The following CTNNA1 variants were observed in gnomAD, a reference collection of about 807,000 sequenced individuals.
CTNNA1 encodes the protein catenin alpha-1.
In CTNNA1, 37 loss-of-function variants were observed where a neutral mutation model predicts 98.4. The observed-to-expected ratio is 0.38, with a 90% confidence interval of 0.29 to 0.49. CTNNA1 has a LOEUF of 0.49. Among genes scored for constraint, CTNNA1 ranks in the 20% least tolerant of loss-of-function variants. CTNNA1 has a pLI of 0.95. For missense variants in CTNNA1, 761 were observed against 1,147.2 expected (o/e 0.66, Z 4.86); for synonymous variants, 404 against 413.2 (o/e 0.98, Z 0.27).
chr5:138,922,930 T>TAA (rs34458033), intron 11 of CTNNA1, among the ~76,000 whole-genome samples: 2 of 142,716 alleles, frequency 1.4e-5, no homozygotes, highest in Non-Finnish European at 1.5e-5. Context: ...CTAAATGGAT[T>TAA]AAAAAAAAAA....
At chr5:138,834,850 G>A (rs1761620402) in intron 7 of CTNNA1, among the ~76,000 whole-genome samples, 1 of 152,180 alleles carries the variant, frequency 6.6e-6, no homozygotes, top group African/African-American at 2.4e-5. Flanking sequence ...TTAATCACCT[G>A]GGTGCGGGCG....
chr5:138,800,262 G>A (rs1052632564), intron 3 of CTNNA1, among the ~76,000 whole-genome samples: 6 of 152,220 alleles, frequency 3.9e-5, no homozygotes, highest in Non-Finnish European at 8.8e-5. Context: ...TGCAGCTTCT[G>A]TGTGGGTGCA....
Position 138,873,176 on chromosome 5 carries a change from T to C in CTNNA1, c.1063-13036T>C, listed in dbSNP as rs762991443. 3 of 1,614,032 alleles carry C rather than the reference T, an allele frequency of 1.9e-6. No homozygotes were observed. The East Asian group carries it at 6.7e-5, about 36-fold the overall frequency. ...TTGGGATCGGAGCTGCCTGTGGTTCTGAACCATTGAGCACTGCCTAATTCT... is the reference window on the plus strand; with the variant it reads ...TTGGGATCGGAGCTGCCTGTGGTTCCGAACCATTGAGCACTGCCTAATTCT... On this transcript the variant is annotated intron_variant, in intron 7 of 17. Coordinates refer to ENST00000302763, the MANE Select transcript of CTNNA1 (RefSeq NM_001903.5). The surrounding 1 kb of genome is among the most constrained non-coding windows in gnomAD (Gnocchi z 6.1).
chr5:138,814,721 T>C (rs146792380), intron 5 of CTNNA1, among the ~76,000 whole-genome samples: 215 of 152,332 alleles, frequency 1.4e-3, no homozygotes, highest in African/African-American at 5.0e-3. Flanking sequence ...TTGTGCATCA[T>C]TGCAAAATGG....
chr5:138,850,571 T>TA (rs1468339809), intron 7 of CTNNA1, among the ~76,000 whole-genome samples: 32 of 152,356 alleles, frequency 2.1e-4, no homozygotes, highest in Non-Finnish European at 1.9e-4. Flanking sequence ...ATGTTTATCT[T>TA]ACGGTGTTAG....
At chr5:138,889,656 A>G (rs1299566413) in intron 9 of CTNNA1, among the ~76,000 whole-genome samples, 1 of 115,896 alleles carries the variant, frequency 8.6e-6, no homozygotes, top group Non-Finnish European at 1.7e-5. Flanking sequence ...CAGAATTGAG[A>G]GTTTGGTGTT....
At chr5:138,790,288 AG>A (rs1336548754) in intron 3 of CTNNA1, among the ~76,000 whole-genome samples, 1 of 152,228 alleles carries the variant, frequency 6.6e-6, no homozygotes, top group Non-Finnish European at 1.5e-5. Flanking sequence ...GAAAAGTTGT[AG>A]TAATTTATTT....
chr5:138,761,790 A>G (rs1404846872), intron 1 of CTNNA1, among the ~76,000 whole-genome samples: 2 of 151,872 alleles, frequency 1.3e-5, no homozygotes, highest in African/African-American at 4.8e-5. Context: ...GGTCTCACTC[A>G]GTCATCCAGG....
Position 138,783,709 on chromosome 5 carries a change from A to G in CTNNA1, c.301+337A>G, listed in dbSNP as rs144668371. On this transcript the variant is annotated intron_variant, in intron 3 of 17. Coordinates refer to ENST00000302763, the MANE Select transcript of CTNNA1 (RefSeq NM_001903.5). ...TTAAGTCTTAGAAATGTTGTAACAC[A>G]AATTGATAGGAAAGAAATGGGACCG... Among the ~76,000 whole-genome samples, 384 of 152,338 alleles carry G rather than the reference A, an allele frequency of 2.5e-3. 1 individual carries two copies. Among genetic ancestry groups the G allele is most frequent in the African/African-American group, 7.9e-3 (329 of 41,574 alleles).
At position 138,857,308 on chromosome 5, in the gene CTNNA1, A is replaced by G. The variant is rs145205598; in HGVS notation, c.1063-28904A>G. 3.9e-3 allele frequency among the ~76,000 whole-genome samples: 589 copies of G among 152,214 alleles called. 2 individuals carry two copies. Among genetic ancestry groups the G allele is most frequent in the African/African-American group, 0.013 (558 of 41,534 alleles). On this transcript the variant is annotated intron_variant, in intron 7 of 17. Coordinates refer to ENST00000302763, the MANE Select transcript of CTNNA1 (RefSeq NM_001903.5). ...AAATCTAAGCTCCCTTCCTAGCCCC[A>G]GAGGCTTCTTGTTATTTGGTCCTAC... is the stretch of plus-strand genomic sequence containing the variant.
intron 16 of CTNNA1, chr5:138,932,005 A>G: frequency 1.0e-6 from 1 of 985,396 alleles, no homozygotes; most frequent in Non-Finnish European, 1.2e-6. Context: ...GGCAGGGGCC[A>G]CCCTTTTCTC....
chr5:138,798,343 G>A (rs757726525), intron 3 of CTNNA1, among the ~76,000 whole-genome samples: 1 of 152,176 alleles, frequency 6.6e-6, no homozygotes, highest in Non-Finnish European at 1.5e-5. Flanking sequence ...TATCGAAGCT[G>A]GATTTAGACC....
chr5:138,770,056 G>A (rs1163648290), intron 1 of CTNNA1, among the ~76,000 whole-genome samples: 2 of 151,638 alleles, frequency 1.3e-5, no homozygotes, highest in Admixed American at 6.6e-5. Flanking sequence ...GGCTAGTCAC[G>A]AACTCTGATC....
intron 6 of CTNNA1, among the ~76,000 whole-genome samples, chr5:138,826,199 G>T (rs1760701662): frequency 6.6e-6 from 1 of 152,150 alleles, no homozygotes; most frequent in African/African-American, 2.4e-5. Context: ...TGAACTGAAG[G>T]TATTGCATGT....
In CTNNA1 at chr5:138,783,232, G is replaced by A. The variant is rs746153198; in HGVS notation, c.161G>A (p.Arg54His). 10 of 1,614,004 alleles carry A rather than the reference G, an allele frequency of 6.2e-6. No homozygotes were observed. Among genetic ancestry groups the A allele is most frequent in the South Asian group, 3.3e-5 (3 of 91,064 alleles). Residue 54 changes from arginine (R) to histidine (H), a missense_variant, in exon 3 of 18, where the codon CGT (arginine) becomes CAT (histidine). Physicochemically the swap from Arg to His is conservative, Grantham distance 29. Coordinates refer to ENST00000302763, the MANE Select transcript of CTNNA1 (RefSeq NM_001903.5). ...GGGCCCTCTAATAAGAAGAGAGGTC[G>A]TTCTAAGAAGGCCCATGTTTTGGCT... is the stretch of plus-strand genomic sequence containing the variant. The part of the protein sequence containing the change: ...SKGPSNKKRG[R>H]SKKAHVLAAS...
chr5:138,765,024 C>T (rs1036913543), intron 1 of CTNNA1, among the ~76,000 whole-genome samples: 1 of 151,812 alleles, frequency 6.6e-6, no homozygotes, highest in Non-Finnish European at 1.5e-5. Flanking sequence ...CAGGTGCCTG[C>T]CACCATGCCC....
At position 138,933,870 on chromosome 5, in the gene CTNNA1, G is replaced by A. The variant is rs2150358680; in HGVS notation, c.2502G>A (p.Lys834=). The A allele has an allele frequency of 6.2e-7, 1 of 1,614,168 alleles. No individual in the cohort carries two copies. The highest frequency in any genetic ancestry group is 8.5e-7 in the Non-Finnish European group (1 of 1,180,026). The change falls in exon 18 of 18, where the codon AAG becomes AAA. Residue 834 remains lysine (K), a synonymous_variant. Transcript: ENST00000302763. ...NLMNAVVQTV[K]ASYVASTKYQ... Reference sequence around the variant, plus strand: ...TGAATGCTGTGGTGCAGACAGTGAAGGCATCCTACGTCGCCTCTACCAAAT... The same window carrying A: ...TGAATGCTGTGGTGCAGACAGTGAAAGCATCCTACGTCGCCTCTACCAAAT...
chr5:138,932,916 G>A, intron 17 of CTNNA1: 1 of 796,714 alleles, frequency 1.3e-6, no homozygotes, highest in Non-Finnish European at 2.2e-6. Flanking sequence ...GCACTGCAAG[G>A]GCTGAAAGGC....
intron 1 of CTNNA1, among the ~76,000 whole-genome samples, chr5:138,758,623 C>T (rs1751974180): frequency 6.6e-6 from 1 of 152,188 alleles, no homozygotes; most frequent in South Asian, 2.1e-4. Context: ...GATCTGCCCA[C>T]CTCGGCCTCC....
Sources: allele counts gnomAD v4.1 joint callset (sites outside exome capture counted in the v4.1 genomes callset), GRCh38; gene constraint gnomAD v4.1.1; non-coding constraint Gnocchi (gnomAD v3.1); transcripts MANE v1.5; gene names NCBI Gene and HGNC (gene_info 2026-07-23, HGNC 2026-07-21).